The following GPHN variants were observed in gnomAD, a reference collection of about 807,000 sequenced individuals.
GPHN encodes gephyrin.
A neutral mutation model predicts 95.5 loss-of-function variants in GPHN; 17 were observed. The ratio of observed to expected loss-of-function variants is 0.18; its 90% CI spans 0.12 to 0.27. GPHN has a LOEUF of 0.27. Among genes scored for constraint, GPHN ranks in the 10% least tolerant of loss-of-function variants. The probability of loss-of-function intolerance (pLI) is 1.00; values close to 1 mark genes in which losing one functional copy is unlikely to be tolerated. For missense variants in GPHN, 660 were observed against 978.1 expected (o/e 0.67, Z 4.34); for synonymous variants, 320 against 322.5 (o/e 0.99, Z 0.08).
chr14:66,821,764 T>C (rs967807038), intron 3 of GPHN, among the ~76,000 whole-genome samples: 4 of 152,342 alleles, frequency 2.6e-5, no homozygotes, highest in African/African-American at 9.6e-5. Context: ...TCACATGAAG[T>C]CTGCCATATA....
chr14:66,684,344 A>C (rs2067196778), intron 2 of GPHN, among the ~76,000 whole-genome samples: 1 of 152,202 alleles, frequency 6.6e-6, no homozygotes, highest in Non-Finnish European at 1.5e-5. Context: ...TCTTAATTGG[A>C]TAAATGAGCA....
chr14:67,386,525 TAC>T, the GPHN span: 3 of 152,242 alleles, frequency 2.0e-5, no homozygotes, highest in African/African-American at 7.2e-5. Context: ...TATTGTATGA[TAC>T]AGACTTTTCA....
chr14:67,646,616 T>C, the GPHN span: 63 of 1,531,514 alleles, frequency 4.1e-5, 1 homozygote, highest in South Asian at 6.3e-4. Flanking sequence ...AATTCTTGAT[T>C]AATCCTGTCC....
In GPHN at chr14:66,508,284, TTGCC is replaced by T; in HGVS notation, c.-243_-240del. The T allele has an allele frequency of 1.7e-6, 1 of 581,440 alleles. No homozygotes were observed. 36.0% of individuals were successfully genotyped at this position (581,440 alleles called of 1,614,324 possible). A position where few individuals can be genotyped will look rare whatever the true frequency, so the allele number is the denominator to read the frequency against. On this transcript the variant is annotated 5_prime_UTR_variant, in exon 1 of 23. Coordinates refer to ENST00000478722, the MANE Select transcript of GPHN (RefSeq NM_020806.5). ...CGCGCCCCCCAAGCTTGCCTCCTTC[TTGCC>T]GGACTTGGGGCCGCGCGCCCTGACT... is the stretch of plus-strand genomic sequence containing the variant.
chr14:66,939,985 G>A (rs4462527), intron 8 of GPHN, among the ~76,000 whole-genome samples: 1,725 of 152,250 alleles, frequency 0.011, 82 homozygotes, highest in Admixed American at 0.09. Context: ...CAAAAATCTC[G>A]TGTCCTTTGA....
At chr14:66,676,307 T>C (rs1021813466) in intron 1 of GPHN, among the ~76,000 whole-genome samples, 1 of 152,142 alleles carries the variant, frequency 6.6e-6, no homozygotes, top group African/African-American at 2.4e-5. Context: ...TTATTTCCTT[T>C]TGTGGCCTAA....
At chr14:66,716,031 A>G (rs1357356873) in intron 2 of GPHN, among the ~76,000 whole-genome samples, 1 of 151,994 alleles carries the variant, frequency 6.6e-6, no homozygotes, top group African/African-American at 2.4e-5. Flanking sequence ...GTTCCAAGGT[A>G]TAGTTTAAAT....
chr14:67,190,149 A>C, the GPHN span, among the ~76,000 whole-genome samples: 1 of 147,378 alleles, frequency 6.8e-6, no homozygotes, highest in African/African-American at 2.5e-5. Context: ...TCCTGACCTC[A>C]GGTGATCTAC....
chr14:66,719,331 G>A (rs2070503357), intron 2 of GPHN, among the ~76,000 whole-genome samples: 1 of 152,144 alleles, frequency 6.6e-6, no homozygotes, highest in African/African-American at 2.4e-5. Flanking sequence ...CTCTATCCGT[G>A]TATTTCGCTT....
At chr14:67,603,528 C>A in the GPHN span, among the ~76,000 whole-genome samples, 1 of 152,192 alleles carries the variant, frequency 6.6e-6, no homozygotes, top group African/African-American at 2.4e-5. Flanking sequence ...TGCTCTGTTA[C>A]TCAGGCTGCA....
intron 2 of GPHN, among the ~76,000 whole-genome samples, chr14:66,688,212 T>A (rs1233890036): frequency 6.6e-6 from 1 of 152,146 alleles, no homozygotes; most frequent in Non-Finnish European, 1.5e-5. Flanking sequence ...GATCAAGATA[T>A]AAGTCTTTAT....
At chr14:67,269,776 T>G in the GPHN span, 1 of 152,634 alleles carries the variant, frequency 6.6e-6, no homozygotes, top group Non-Finnish European at 1.5e-5. Context: ...TTTTCCAGTT[T>G]GCATAATGTA....
the GPHN span, chr14:67,198,140 T>A: frequency 6.3e-7 from 1 of 1,598,368 alleles, no homozygotes; most frequent in African/African-American, 1.3e-5. Flanking sequence ...CCTCAGTTTT[T>A]TTATGTTTAT....
At chr14:67,486,502 T>C in the GPHN span, among the ~76,000 whole-genome samples, 1 of 152,186 alleles carries the variant, frequency 6.6e-6, no homozygotes, top group African/African-American at 2.4e-5. Flanking sequence ...CTCAATCTGT[T>C]GACCTTGCGA....
the GPHN span, among the ~76,000 whole-genome samples, chr14:67,712,124 T>C: frequency 6.6e-6 from 1 of 152,096 alleles, no homozygotes; most frequent in African/African-American, 2.4e-5. Context: ...TTCACCATGT[T>C]GGCCAGGCTG....
At chr14:67,134,001 C>A (rs2079885760) in intron 17 of GPHN, among the ~76,000 whole-genome samples, 1 of 152,208 alleles carries the variant, frequency 6.6e-6, no homozygotes, top group African/African-American at 2.4e-5. Flanking sequence ...TATCAAATTG[C>A]ATCAGTCAGG....
chr14:66,840,691 GA>G, intron 4 of GPHN, among the ~76,000 whole-genome samples: 1 of 117,430 alleles, frequency 8.5e-6, no homozygotes, highest in East Asian at 2.5e-4. Flanking sequence ...ATTATCTCTT[GA>G]ATCATTAAAA....
Position 66,573,484 on chromosome 14 carries a change from G to A in GPHN, c.64+64893G>A, listed in dbSNP as rs192428349. ...TTTTTTTTTTCTGAGACGGAGTCTC[G>A]CTCTGTTGCCCAGGCTGGAGCACAG... On this transcript the variant is annotated intron_variant, in intron 1 of 22. Coordinates refer to ENST00000478722, the MANE Select transcript of GPHN (RefSeq NM_020806.5). 1.4e-4 allele frequency among the ~76,000 whole-genome samples: 19 copies of A among 135,634 alleles called. No homozygotes were observed. The East Asian group carries it at 2.7e-3, about 20-fold the overall frequency. 89.0% of individuals were successfully genotyped at this position (135,634 alleles called of 152,430 possible).
chr14:66,678,414 G>T (rs925115431), intron 1 of GPHN, among the ~76,000 whole-genome samples: 7 of 149,378 alleles, frequency 4.7e-5, no homozygotes, highest in Admixed American at 1.3e-4. Context: ...GAATTCTTGA[G>T]TTCCGGGATT....
Sources: allele counts gnomAD v4.1 joint callset (sites outside exome capture counted in the v4.1 genomes callset), GRCh38; gene constraint gnomAD v4.1.1; transcripts MANE v1.5; gene names NCBI Gene and HGNC (gene_info 2026-07-23, HGNC 2026-07-21).